The following EPHA5 variants were observed in gnomAD, a reference collection of about 807,000 sequenced individuals.
The protein encoded by EPHA5 is EPH receptor A5, also known as ephrin type-A receptor 5.
EPHA5 carries 60 observed loss-of-function variants against 105.0 expected under a neutral mutation model. The observed-to-expected ratio is 0.57, with a 90% CI of 0.46 to 0.71. The LOEUF is 0.71. Ranked by LOEUF, EPHA5 falls within the 30% of genes least tolerant of loss-of-function variation. EPHA5 has a pLI of 0.00. For synonymous variants in EPHA5, 513 were observed against 449.1 expected, an observed-to-expected ratio of 1.14 and a Z score of -1.80; for missense variants, 1,218 against 1,274.7, an observed-to-expected ratio of 0.96 and a Z score of 0.68.
intron 3 of EPHA5, among the ~76,000 whole-genome samples, chr4:65,544,739 G>A (rs763004321): frequency 6.6e-6 from 1 of 151,762 alleles, no homozygotes; most frequent in African/African-American, 2.4e-5. Context: ...TATACCCAAA[G>A]GAATATATCA....
chr4:65,477,592 T>C (rs538271966), intron 5 of EPHA5, among the ~76,000 whole-genome samples: 8 of 152,110 alleles, frequency 5.3e-5, no homozygotes, highest in African/African-American at 1.9e-4. Flanking sequence ...TTTGTATTTT[T>C]AGTAGAGTCA....
chr4:65,523,786 C>G (rs1305559433), intron 3 of EPHA5, among the ~76,000 whole-genome samples: 1 of 151,880 alleles, frequency 6.6e-6, no homozygotes, highest in African/African-American at 2.4e-5. Flanking sequence ...AGACTACTGA[C>G]TAAGAGATTT....
chr4:65,523,956 A>G (rs1735000927), intron 3 of EPHA5, among the ~76,000 whole-genome samples: 1 of 151,896 alleles, frequency 6.6e-6, no homozygotes, highest in Non-Finnish European at 1.5e-5. Context: ...GCTTAGATGT[A>G]AATATCAAAT....
chr4:65,467,652 C>G (rs183388428), intron 5 of EPHA5, among the ~76,000 whole-genome samples: 50 of 152,256 alleles, frequency 3.3e-4, no homozygotes, highest in Non-Finnish European at 6.2e-4. Context: ...TTCCACAGAG[C>G]CATTGTTGTA....
intron 3 of EPHA5, among the ~76,000 whole-genome samples, chr4:65,565,502 GC>G (rs1739444903): frequency 6.6e-6 from 1 of 151,366 alleles, no homozygotes; most frequent in South Asian, 2.1e-4. Flanking sequence ...TTTTTATTTT[GC>G]TTGTACTCAA....
intron 3 of EPHA5, among the ~76,000 whole-genome samples, chr4:65,516,554 GTGTT>G (rs1734122727): frequency 6.6e-6 from 1 of 152,028 alleles, no homozygotes; most frequent in Non-Finnish European, 1.5e-5. Context: ...GTGTGTGTGT[GTGTT>G]TGTGTGGGCA....
intron 3 of EPHA5, among the ~76,000 whole-genome samples, chr4:65,505,922 C>T (rs566138284): frequency 3.9e-5 from 6 of 152,188 alleles, no homozygotes; most frequent in Admixed American, 2.0e-4. Context: ...CATATGTATA[C>T]ATGTGCCATG....
At chr4:65,583,375 G>T (rs1302966018) in intron 3 of EPHA5, among the ~76,000 whole-genome samples, 2 of 151,694 alleles carry the variant, frequency 1.3e-5, no homozygotes, top group African/African-American at 4.8e-5. Context: ...GAAAATTCAT[G>T]TTCTCCTACC....
chr4:65,631,136 C>T (rs773794539), intron 2 of EPHA5, among the ~76,000 whole-genome samples: 1 of 152,014 alleles, frequency 6.6e-6, no homozygotes, highest in Non-Finnish European at 1.5e-5. Context: ...TTATGTAAGC[C>T]TATCATCAAA....
intron 14 of EPHA5, among the ~76,000 whole-genome samples, chr4:65,341,619 G>T (rs1266851292): frequency 1.3e-5 from 2 of 150,518 alleles, no homozygotes; most frequent in East Asian, 3.9e-4. Flanking sequence ...ATGTATATAT[G>T]TTATATATCT....
At chr4:65,431,291 T>A (rs2149063401) in intron 5 of EPHA5, among the ~76,000 whole-genome samples, 1 of 152,258 alleles carries the variant, frequency 6.6e-6, no homozygotes. Flanking sequence ...GAGGCAAATA[T>A]TATAATACAG....
chr4:65,492,567 CA>C (rs1199800408), intron 4 of EPHA5, among the ~76,000 whole-genome samples: 1 of 150,540 alleles, frequency 6.6e-6, no homozygotes. Flanking sequence ...AAAAAATCCC[CA>C]CCTTGACCAT....
At chr4:65,662,967 G>A (rs1009524951) in intron 1 of EPHA5, among the ~76,000 whole-genome samples, 3 of 152,080 alleles carry the variant, frequency 2.0e-5, no homozygotes, top group African/African-American at 7.2e-5. Context: ...GAGAGACACA[G>A]AGGAAAGAAG....
chr4:65,380,358 G>T (rs1398676317), intron 8 of EPHA5, among the ~76,000 whole-genome samples: 1 of 151,742 alleles, frequency 6.6e-6, no homozygotes, highest in Non-Finnish European at 1.5e-5. Flanking sequence ...ACCCAAAGAA[G>T]ATTCAAATAA....
intron 3 of EPHA5, chr4:65,573,701 A>G (rs1333213188): frequency 1.7e-5 from 27 of 1,596,244 alleles, no homozygotes; most frequent in Non-Finnish European, 2.3e-5. Flanking sequence ...CCAAGGTTGA[A>G]AAGAAAAAGA....
chr4:65,332,267 A>G (rs1424756759), intron 15 of EPHA5, 139 bp from the exon 16 acceptor site: 2 of 603,192 alleles, frequency 3.3e-6, no homozygotes, highest in African/African-American at 1.9e-5. Flanking sequence ...AAATGCTAAT[A>G]TGGAAGAAAA....
chr4:65,465,466 A>AAAG (rs1560566779), intron 5 of EPHA5, among the ~76,000 whole-genome samples: 129 of 16,130 alleles, frequency 8.0e-3, no homozygotes, highest in African/African-American at 0.019. Flanking sequence ...GAAAAGAAAG[A>AAAG]AAAAGAAAGA....
chr4:65,381,995 A>G (rs1719608303), intron 8 of EPHA5, among the ~76,000 whole-genome samples: 1 of 151,904 alleles, frequency 6.6e-6, no homozygotes, highest in African/African-American at 2.4e-5. Flanking sequence ...AGTTTTAAAT[A>G]GAGATTAAAT....
chr4:65,390,824 A>T (rs1219704325), intron 8 of EPHA5, among the ~76,000 whole-genome samples: 1 of 152,108 alleles, frequency 6.6e-6, no homozygotes, highest in Non-Finnish European at 1.5e-5. Context: ...AGATTAAAAC[A>T]TTAGAGGAGA....
Sources: gnomAD v4.1 joint callset for allele counts (sites outside exome capture counted in the v4.1 genomes callset) on GRCh38, gnomAD v4.1.1 for gene constraint, MANE v1.5 for transcripts, NCBI Gene and HGNC (gene_info 2026-07-23, HGNC 2026-07-21) for gene names.